IL20RB: variants seen among roughly 807,000 people sequenced by gnomAD.
IL20RB encodes interleukin-20 receptor subunit beta.
In IL20RB, 21 loss-of-function variants were observed where a neutral mutation model predicts 33.3. The ratio of observed to expected loss-of-function variants is 0.63; its 90% CI spans 0.45 to 0.91. The LOEUF (loss-of-function observed/expected upper bound fraction) is 0.91. Ranked by LOEUF, IL20RB falls within the 40% of genes least tolerant of loss-of-function variation. The pLI, the probability that IL20RB is intolerant of heterozygous loss-of-function variation, is 0.00. For missense variants in IL20RB, 345 were observed against 384.8 expected, an observed-to-expected ratio of 0.90 and a Z score of 0.86; for synonymous variants, 147 against 146.8, an observed-to-expected ratio of 1.00 and a Z score of -0.01.
At chr3:137,008,320 T>C (rs1932991316) in intron 6 of IL20RB, among the ~76,000 whole-genome samples, 1 of 152,156 alleles carries the variant, frequency 6.6e-6, no homozygotes, top group East Asian at 1.9e-4. Flanking sequence ...GCAATGAATG[T>C]AACTCAATAG....
At chr3:136,986,231 A>C (rs1941894599) in intron 3 of IL20RB, among the ~76,000 whole-genome samples, 1 of 123,474 alleles carries the variant, frequency 8.1e-6, no homozygotes, top group Non-Finnish European at 1.7e-5. Flanking sequence ...AAATAAATAA[A>C]TAAATAAATA....
At chr3:136,991,824 G>T in intron 4 of IL20RB, 114 bp from the exon 5 acceptor site, 1 of 982,942 alleles carries the variant, frequency 1.0e-6, no homozygotes. Flanking sequence ...TGGTCAGGCT[G>T]GTCTTGAACT....
intron 1 of IL20RB, among the ~76,000 whole-genome samples, chr3:136,960,705 A>C (rs1167954165): frequency 1.3e-5 from 2 of 152,194 alleles, no homozygotes; most frequent in African/African-American, 4.8e-5. Context: ...CCAAGTACCT[A>C]TATCTAGTAA....
At chr3:136,980,730 A>C (rs1251856812) in intron 2 of IL20RB, 138 bp downstream of exon 2, 7 of 795,138 alleles carry the variant, frequency 8.8e-6, no homozygotes, top group Non-Finnish European at 1.4e-5. Context: ...CTCTGTCTGC[A>C]TAGGCATTGA....
intron 1 of IL20RB, among the ~76,000 whole-genome samples, chr3:136,971,436 T>A (rs1336053418): frequency 6.6e-6 from 1 of 152,200 alleles, no homozygotes; most frequent in Non-Finnish European, 1.5e-5. Context: ...CGGCCACTTC[T>A]ATCTAACTGT....
At chr3:136,975,349 TA>T in intron 1 of IL20RB, among the ~76,000 whole-genome samples, 1 of 152,280 alleles carries the variant, frequency 6.6e-6, no homozygotes, top group Non-Finnish European at 1.5e-5. Flanking sequence ...TATTTTTATT[TA>T]TTTTTTTGAA....
At chr3:137,008,136 G>T (rs1932981393) in intron 6 of IL20RB, among the ~76,000 whole-genome samples, 1 of 152,108 alleles carries the variant, frequency 6.6e-6, no homozygotes, top group African/African-American at 2.4e-5. Flanking sequence ...GTCACATTCT[G>T]CTGTAATGTA....
chr3:136,999,682 TC>T (rs1402653744), intron 6 of IL20RB, among the ~76,000 whole-genome samples: 1 of 152,130 alleles, frequency 6.6e-6, no homozygotes, highest in East Asian at 1.9e-4. Flanking sequence ...AAACTTCTTT[TC>T]CTCTTCTTTA....
intron 4 of IL20RB, among the ~76,000 whole-genome samples, chr3:136,990,496 C>T (rs1942011269): frequency 2.6e-5 from 4 of 152,112 alleles, no homozygotes; most frequent in Non-Finnish European, 5.9e-5. Context: ...CTATGATGTG[C>T]CCCCAGCCTC....
At chr3:136,960,151 T>C (rs1295489063) in intron 1 of IL20RB, among the ~76,000 whole-genome samples, 2 of 127,190 alleles carry the variant, frequency 1.6e-5, no homozygotes, top group Non-Finnish European at 3.3e-5. Flanking sequence ...TTTTTTTTTT[T>C]TTTTTTTTTT....
At chr3:136,960,607 C>A (rs1941193161) in intron 1 of IL20RB, among the ~76,000 whole-genome samples, 1 of 152,202 alleles carries the variant, frequency 6.6e-6, no homozygotes. Context: ...AAAATGTTAT[C>A]TTGACTTCTC....
chr3:136,995,490 C>T lies in IL20RB; in HGVS notation c.759C>T (p.Phe253=), dbSNP rs767710182. The T allele has an allele frequency of 7.4e-6, 12 of 1,614,108 alleles. No homozygotes were observed. Among genetic ancestry groups the T allele is most frequent in the Middle Eastern group, 1.7e-4 (1 of 6,046 alleles). Residue 253 remains phenylalanine (F), a synonymous_variant, in exon 6 of 7, where the codon TTC becomes TTT. Coordinates refer to ENST00000329582, the MANE Select transcript of IL20RB (RefSeq NM_144717.4). The part of the protein sequence containing the change: ...FMLILVVVPL[F]VWKMGRLLQY... Reference sequence around the variant, plus strand: ...TGATCCTTGTGGTCGTGCCACTGTTCGTCTGGAAAATGGGCCGGCTGCTCC... The same window carrying T: ...TGATCCTTGTGGTCGTGCCACTGTTTGTCTGGAAAATGGGCCGGCTGCTCC...
At chr3:136,983,739 A>G (rs1444725675) in intron 3 of IL20RB, among the ~76,000 whole-genome samples, 1 of 152,266 alleles carries the variant, frequency 6.6e-6, no homozygotes, top group Non-Finnish European at 1.5e-5. Context: ...GATTTCTACA[A>G]GATGTCATCT....
intron 1 of IL20RB, among the ~76,000 whole-genome samples, chr3:136,959,979 C>T (rs1355318782): frequency 6.6e-6 from 1 of 152,066 alleles, no homozygotes; most frequent in Non-Finnish European, 1.5e-5. Flanking sequence ...GTTGGTTATA[C>T]AGATGGTGGT....
chr3:136,962,434 A>G (rs1299696675), intron 1 of IL20RB, among the ~76,000 whole-genome samples: 1 of 152,184 alleles, frequency 6.6e-6, no homozygotes, highest in Non-Finnish European at 1.5e-5. Context: ...TACGTTCTAC[A>G]AAACAACTGG....
chr3:136,999,986 AG>A (rs1403224438), intron 6 of IL20RB, among the ~76,000 whole-genome samples: 1 of 152,158 alleles, frequency 6.6e-6, no homozygotes, highest in African/African-American at 2.4e-5. Flanking sequence ...GGTCATGTCA[AG>A]GTTGGCCTCT....
chr3:136,989,252 C>T (rs905635381), intron 3 of IL20RB, among the ~76,000 whole-genome samples, 189 bp from the exon 4 acceptor site: 1 of 152,206 alleles, frequency 6.6e-6, no homozygotes, highest in African/African-American at 2.4e-5. Context: ...ACTCAAAAAG[C>T]ATTTACTGAG....
At chr3:137,003,718 A>G (rs531446601) in intron 6 of IL20RB, among the ~76,000 whole-genome samples, 1 of 152,318 alleles carries the variant, frequency 6.6e-6, no homozygotes, top group South Asian at 2.1e-4. Flanking sequence ...GCAAACAGGA[A>G]CAATTTGACT....
chr3:136,958,948 T>C (rs200149885), intron 1 of IL20RB, among the ~76,000 whole-genome samples: 1 of 117,956 alleles, frequency 8.5e-6, no homozygotes, highest in African/African-American at 3.4e-5. Flanking sequence ...TCTGTCTCAC[T>C]CTCTGTGTGT....
Sources: gnomAD v4.1 joint callset for allele counts (sites outside exome capture counted in the v4.1 genomes callset) on GRCh38, gnomAD v4.1.1 for gene constraint, MANE v1.5 for transcripts, NCBI Gene and HGNC (gene_info 2026-07-23, HGNC 2026-07-21) for gene names.